Variants in TMEM178B observed in about 807,000 individuals in gnomAD.
The protein encoded by TMEM178B is transmembrane protein 178B.
A neutral mutation model predicts 31.0 loss-of-function variants in TMEM178B; 5 were observed. The ratio of observed to expected loss-of-function variants is 0.16; its 90% CI spans 0.08 to 0.34. The LOEUF is 0.34. Among genes scored for constraint, TMEM178B ranks in the 10% least tolerant of loss-of-function variants. TMEM178B has a pLI of 1.00. For synonymous variants in TMEM178B, 164 were observed against 164.0 expected (o/e 1.00, Z 0.00); for missense variants, 275 against 400.3 (o/e 0.69, Z 2.67).
chr7:141,270,291 T>A (rs1731352633), intron 2 of TMEM178B, among the ~76,000 whole-genome samples: 1 of 152,152 alleles, frequency 6.6e-6, no homozygotes, highest in Non-Finnish European at 1.5e-5. Flanking sequence ...GGGGAGCACC[T>A]GGGTCAGGCC....
chr7:141,324,416 G>GTTTTTTTTTTTTT (rs56316531), intron 2 of TMEM178B, among the ~76,000 whole-genome samples: 2 of 85,740 alleles, frequency 2.3e-5, no homozygotes, highest in African/African-American at 4.0e-5. Context: ...GGAGACCAGG[G>GTTTTTTTTTTTTT]TTTTTTTTTT....
chr7:141,276,651 G>T (rs540775135), intron 2 of TMEM178B, among the ~76,000 whole-genome samples: 1 of 152,106 alleles, frequency 6.6e-6, no homozygotes, highest in Non-Finnish European at 1.5e-5. Flanking sequence ...GACACGTGGG[G>T]ATCATGGGAA....
intron 1 of TMEM178B, among the ~76,000 whole-genome samples, chr7:141,089,185 GAAGCCTA>G (rs1794837043): frequency 6.6e-6 from 1 of 152,224 alleles, no homozygotes; most frequent in Admixed American, 6.5e-5. Flanking sequence ...GGTGTGTCCA[GAAGCCTA>G]AAGGAGGCAG....
downstream of TMEM178B, among the ~76,000 whole-genome samples, chr7:141,480,576 C>T (rs759803131): frequency 1.3e-5 from 2 of 152,238 alleles, no homozygotes; most frequent in Non-Finnish European, 2.9e-5. Flanking sequence ...AAGGTACATG[C>T]TTCGCATGTT....
chr7:141,135,013 G>A (rs1466359069), intron 1 of TMEM178B, among the ~76,000 whole-genome samples: 1 of 152,098 alleles, frequency 6.6e-6, no homozygotes, highest in Non-Finnish European at 1.5e-5. Flanking sequence ...TTTAAAAATC[G>A]GAGTTTCTGT....
chr7:141,123,082 G>T (rs34059804), intron 1 of TMEM178B, among the ~76,000 whole-genome samples: 2 of 152,110 alleles, frequency 1.3e-5, no homozygotes, highest in East Asian at 3.9e-4. Flanking sequence ...TTTTATTGCC[G>T]TCTCTTGCTT....
chr7:141,176,982 C>T (rs1466314809), intron 1 of TMEM178B, among the ~76,000 whole-genome samples: 1 of 152,014 alleles, frequency 6.6e-6, no homozygotes, highest in Non-Finnish European at 1.5e-5. Flanking sequence ...TATTTCTTGT[C>T]TTCTGCTAGC....
At chr7:141,426,104 TA>T (rs1399100356) in intron 2 of TMEM178B, among the ~76,000 whole-genome samples, 1 of 152,316 alleles carries the variant, frequency 6.6e-6, no homozygotes, top group South Asian at 2.1e-4. Context: ...ATGCTGGCTT[TA>T]AAAAATGAGA....
At chr7:141,346,383 C>T (rs1034495879) in intron 2 of TMEM178B, among the ~76,000 whole-genome samples, 3 of 152,300 alleles carry the variant, frequency 2.0e-5, no homozygotes, top group South Asian at 4.1e-4. Flanking sequence ...ACTTTTACTT[C>T]AACCCTGATG....
intron 1 of TMEM178B, among the ~76,000 whole-genome samples, chr7:141,154,369 G>A (rs1796030799): frequency 1.3e-5 from 2 of 152,212 alleles, no homozygotes; most frequent in South Asian, 2.1e-4. Context: ...ACTGGTCCTC[G>A]AGGGCAGGTG....
intron 2 of TMEM178B, among the ~76,000 whole-genome samples, chr7:141,380,426 A>G (rs1800293809): frequency 6.6e-6 from 1 of 152,168 alleles, no homozygotes; most frequent in Non-Finnish European, 1.5e-5. Context: ...GCAATATCTA[A>G]ACTTGATGAC....
At chr7:141,397,379 C>G (rs1019229286) in intron 2 of TMEM178B, among the ~76,000 whole-genome samples, 3 of 152,132 alleles carry the variant, frequency 2.0e-5, no homozygotes, top group Non-Finnish European at 2.9e-5. Context: ...CAAATCAGGT[C>G]AGGAGTAACG....
intron 2 of TMEM178B, among the ~76,000 whole-genome samples, chr7:141,293,230 G>T (rs4593444): frequency 0.4 from 61,454 of 151,974 alleles, 12,773 homozygotes; most frequent in East Asian, 0.61. Flanking sequence ...GGGACCCCTA[G>T]AAAAGGACCC....
chr7:141,455,171 C>T (rs1051432208), intron 3 of TMEM178B, among the ~76,000 whole-genome samples: 2 of 152,264 alleles, frequency 1.3e-5, no homozygotes. Flanking sequence ...CCTCTCTATC[C>T]TAATCCTTAT....
chr7:141,212,060 A>T lies in TMEM178B; in HGVS notation c.383-531A>T, dbSNP rs1586828116. On this transcript the variant is annotated intron_variant, in intron 1 of 3. Coordinates refer to ENST00000565468, the MANE Select transcript of TMEM178B (RefSeq NM_001195278.2). Reference sequence around the variant, plus strand: ...ATCAAAATTTTGTTCAAGAAACCTGAAAAGAGACTAGTTCAAAGAGACACG... The same window carrying T: ...ATCAAAATTTTGTTCAAGAAACCTGTAAAGAGACTAGTTCAAAGAGACACG... Among the ~76,000 whole-genome samples the T allele has an allele frequency of 2.0e-5, 3 of 152,176 alleles. No homozygotes were observed. The South Asian group carries it at 6.2e-4, about 32-fold the overall frequency.
At chr7:141,274,384 A>C (rs990344959) in intron 2 of TMEM178B, among the ~76,000 whole-genome samples, 7 of 152,182 alleles carry the variant, frequency 4.6e-5, no homozygotes, top group African/African-American at 1.7e-4. Context: ...TTCTGGTTCT[A>C]TTAGCAGCAT....
intron 2 of TMEM178B, among the ~76,000 whole-genome samples, chr7:141,304,553 C>T (rs1798785161): frequency 6.6e-6 from 1 of 152,158 alleles, no homozygotes. Context: ...GCCACCATGG[C>T]CACTGCTGTG....
chr7:141,228,634 G>A (rs1367454783), intron 2 of TMEM178B, among the ~76,000 whole-genome samples: 1 of 152,190 alleles, frequency 6.6e-6, no homozygotes, highest in East Asian at 1.9e-4. Context: ...GATCTCCAGT[G>A]CAGCCTCATA....
intron 2 of TMEM178B, among the ~76,000 whole-genome samples, chr7:141,287,133 C>T (rs1008453883): frequency 6.6e-6 from 1 of 152,006 alleles, no homozygotes; most frequent in Admixed American, 6.6e-5. Flanking sequence ...CTGTTTTCTT[C>T]TTACCTGCTT....
Sources: allele counts gnomAD v4.1 joint callset (sites outside exome capture counted in the v4.1 genomes callset), GRCh38; gene constraint gnomAD v4.1.1; transcripts MANE v1.5; gene names NCBI Gene and HGNC (gene_info 2026-07-23, HGNC 2026-07-21).